GLT8D2: variants seen among roughly 807,000 people sequenced by gnomAD.
GLT8D2 encodes the protein glycosyltransferase 8 domain containing 2.
Under a neutral mutation model 44.5 loss-of-function variants are expected in GLT8D2, and 45 were observed. That is an observed-to-expected ratio of 1.01 (90% CI 0.80 to 1.30). The LOEUF (loss-of-function observed/expected upper bound fraction) is 1.30. Ranked by LOEUF, GLT8D2 falls within the 50% of genes most tolerant of loss-of-function variation. GLT8D2 has a pLI of 0.00. For synonymous variants in GLT8D2, 156 were observed against 157.2 expected (o/e 0.99, Z 0.06); for missense variants, 400 against 430.4 (o/e 0.93, Z 0.62).
At chr12:104,045,503 G>T (rs181330307) in intron 1 of GLT8D2, among the ~76,000 whole-genome samples, 1 of 152,320 alleles carries the variant, frequency 6.6e-6, no homozygotes, top group East Asian at 1.9e-4. Flanking sequence ...GAGAAAAGAA[G>T]GTTGAGGTTC....
chr12:104,014,751 A>T (rs1179069967), intron 4 of GLT8D2, among the ~76,000 whole-genome samples: 2 of 152,156 alleles, frequency 1.3e-5, no homozygotes, highest in African/African-American at 4.8e-5. Context: ...ATACCTACTG[A>T]TCCTACACCT....
intron 4 of GLT8D2, among the ~76,000 whole-genome samples, chr12:104,012,280 T>C (rs908088870): frequency 1.8e-4 from 27 of 151,812 alleles, no homozygotes; most frequent in African/African-American, 6.5e-4. Context: ...CAACTTGCTT[T>C]TCCCATTTAA....
intron 5 of GLT8D2, among the ~76,000 whole-genome samples, chr12:104,001,285 C>T (rs966523207): frequency 1.3e-5 from 2 of 152,216 alleles, no homozygotes; most frequent in African/African-American, 4.8e-5. Flanking sequence ...CATTGGTGGA[C>T]ATTTCAGCAC....
chr12:104,063,229 C>T (rs1415681016), intron 1 of GLT8D2, among the ~76,000 whole-genome samples: 1 of 152,132 alleles, frequency 6.6e-6, no homozygotes, highest in African/African-American at 2.4e-5. Flanking sequence ...ACATATCCAT[C>T]ATCTCATATA....
chr12:103,992,491 CTTTTT>C (rs1232659471), intron 10 of GLT8D2, among the ~76,000 whole-genome samples: 2 of 129,976 alleles, frequency 1.5e-5, no homozygotes, highest in South Asian at 2.5e-4. Context: ...CTCTCTCTCT[CTTTTT>C]TTTTTTTTTT....
At chr12:104,026,903 C>T (rs1333717632) in intron 1 of GLT8D2, among the ~76,000 whole-genome samples, 2 of 152,212 alleles carry the variant, frequency 1.3e-5, no homozygotes, top group Admixed American at 6.5e-5. Flanking sequence ...TGACGGGAGG[C>T]TGCAGACTGC....
chr12:103,994,257 C>G, intron 9 of GLT8D2, 78 bp downstream of exon 9: 2 of 1,397,234 alleles, frequency 1.4e-6, no homozygotes, highest in Admixed American at 4.1e-5. Flanking sequence ...ATTTCTAACC[C>G]TTGAACTATG....
At chr12:104,027,180 TCTC>T (rs1384758515) in intron 1 of GLT8D2, among the ~76,000 whole-genome samples, 8 of 152,212 alleles carry the variant, frequency 5.3e-5, no homozygotes, top group Non-Finnish European at 2.9e-5. Context: ...CAATGACCCT[TCTC>T]CTCTTCCCCT....
At chr12:104,038,914 C>A (rs922347169) in intron 1 of GLT8D2, among the ~76,000 whole-genome samples, 1 of 152,132 alleles carries the variant, frequency 6.6e-6, no homozygotes, top group Non-Finnish European at 1.5e-5. Flanking sequence ...GCTACAGTAA[C>A]CAAAATAGCA....
chr12:104,001,389 T>G (rs1273730006), intron 5 of GLT8D2, among the ~76,000 whole-genome samples: 1 of 152,236 alleles, frequency 6.6e-6, no homozygotes, highest in East Asian at 1.9e-4. Context: ...TAGCACAGAT[T>G]CCTGGAAGAG....
intron 1 of GLT8D2, among the ~76,000 whole-genome samples, chr12:104,057,331 A>T (rs757314292): frequency 1.3e-5 from 2 of 152,030 alleles, no homozygotes; most frequent in African/African-American, 4.8e-5. Flanking sequence ...GACCAGCCTG[A>T]GCAACATAGG....
chr12:104,055,112 G>A (rs924878627), upstream of GLT8D2, among the ~76,000 whole-genome samples: 1 of 152,184 alleles, frequency 6.6e-6, no homozygotes, highest in Non-Finnish European at 1.5e-5. Context: ...CTGGAGAGAG[G>A]ATATGGAGAG....
intron 1 of GLT8D2, among the ~76,000 whole-genome samples, chr12:104,032,401 A>C (rs1879367786): frequency 7.1e-6 from 1 of 141,716 alleles, no homozygotes; most frequent in Non-Finnish European, 1.5e-5. Flanking sequence ...TCCAGTGTTC[A>C]TCTGAGCATA....
At chr12:104,024,644 C>T (rs1439954310) in intron 1 of GLT8D2, among the ~76,000 whole-genome samples, 17 of 152,104 alleles carry the variant, frequency 1.1e-4, no homozygotes, top group Admixed American at 7.9e-4. Flanking sequence ...TGATTACTCA[C>T]GTTGAGCATC....
chr12:104,027,028 G>A (rs552854225), intron 1 of GLT8D2, among the ~76,000 whole-genome samples: 6 of 152,334 alleles, frequency 3.9e-5, no homozygotes, highest in Admixed American at 2.6e-4. Flanking sequence ...AAAGTGTTAT[G>A]AGAATTTGCT....
intron 4 of GLT8D2, among the ~76,000 whole-genome samples, chr12:104,005,225 A>T (rs557088598): frequency 3.9e-5 from 6 of 152,362 alleles, no homozygotes; most frequent in African/African-American, 1.4e-4. Flanking sequence ...TTATACAAAA[A>T]TTAATTCAAG....
intron 8 of GLT8D2, 133 bp from the exon 9 acceptor site, chr12:103,994,634 T>TTTTTG (rs1263834773): frequency 1.1e-5 from 8 of 740,158 alleles, no homozygotes; most frequent in African/African-American, 1.8e-5. Flanking sequence ...TAGTTTGTTG[T>TTTTTG]TTTTGTTTTG....
At chr12:104,020,702 A>G (rs1877515489) in intron 2 of GLT8D2, among the ~76,000 whole-genome samples, 3 of 152,164 alleles carry the variant, frequency 2.0e-5, no homozygotes, top group Admixed American at 2.0e-4. Context: ...CATTGAGGAG[A>G]TGGCATTGGA....
intron 10 of GLT8D2, among the ~76,000 whole-genome samples, chr12:103,992,666 T>C (rs1421052410): frequency 2.0e-5 from 3 of 152,078 alleles, no homozygotes; most frequent in Non-Finnish European, 4.4e-5. Context: ...CGAATTTTTA[T>C]ATTTTTAGCA....
Sources: gnomAD v4.1 joint callset for allele counts (sites outside exome capture counted in the v4.1 genomes callset) on GRCh38, gnomAD v4.1.1 for gene constraint, MANE v1.5 for transcripts, NCBI Gene and HGNC (gene_info 2026-07-23, HGNC 2026-07-21) for gene names.